DNAAF11: variants seen among roughly 807,000 people sequenced by gnomAD.
DNAAF11 encodes dynein axonemal assembly factor 11.
Under a neutral mutation model 60.8 loss-of-function variants are expected in DNAAF11, and 45 were observed. The ratio of observed to expected loss-of-function variants is 0.74; its 90% CI spans 0.58 to 0.95. The LOEUF is 0.95. Ranked by LOEUF, DNAAF11 falls within the 40% of genes least tolerant of loss-of-function variation. The pLI is 0.00. For missense variants in DNAAF11, 546 were observed against 546.2 expected, an observed-to-expected ratio of 1.00 and a Z score of 0.00; for synonymous variants, 191 against 183.5, an observed-to-expected ratio of 1.04 and a Z score of -0.33.
Position 132,615,114 on chromosome 8 carries a change from T to G in DNAAF11, c.915-17A>C, listed in dbSNP as rs1372341856. The G allele has an allele frequency of 1.3e-6, 2 of 1,564,968 alleles. No individual in the cohort carries two copies. The highest frequency in any genetic ancestry group is 4.5e-5 in the East Asian group (2 of 44,500). ...AAGTCAATTCTAAGAATAACACATT[T>G]GGTGGGAAAAAAGAGATGTCTTTAG... On this transcript the variant is annotated splice_polypyrimidine_tract_variant and intron_variant, in intron 7 of 11. Transcript: ENST00000620350.
intron 5 of DNAAF11, among the ~76,000 whole-genome samples, chr8:132,626,997 T>C (rs1216056771): frequency 1.3e-5 from 2 of 152,180 alleles, no homozygotes; most frequent in African/African-American, 2.4e-5. Context: ...CAATAGAATA[T>C]AGAGTAAAAT....
chr8:132,578,187 C>T (rs1423182591), intron 11 of DNAAF11, among the ~76,000 whole-genome samples: 2 of 151,982 alleles, frequency 1.3e-5, no homozygotes, highest in Non-Finnish European at 2.9e-5. Flanking sequence ...CAGTATATAT[C>T]CTGGGCCATA....
intron 4 of DNAAF11, 141 bp downstream of exon 4, chr8:132,637,794 A>G (rs1821447648): frequency 3.2e-6 from 2 of 619,922 alleles, no homozygotes; most frequent in African/African-American, 1.8e-5. Context: ...AGGTCTAGCC[A>G]TTCAAATAAT....
At chr8:132,639,853 T>C (rs79716480) in intron 3 of DNAAF11, among the ~76,000 whole-genome samples, 2,879 of 150,464 alleles carry the variant, frequency 0.019, 104 homozygotes, top group African/African-American at 0.066. Context: ...TAGGATAAAC[T>C]GATAAAAAAA....
At chr8:132,575,523 C>G (rs905509649) in intron 11 of DNAAF11, among the ~76,000 whole-genome samples, 6 of 152,120 alleles carry the variant, frequency 3.9e-5, no homozygotes, top group Non-Finnish European at 5.9e-5. Flanking sequence ...GAGGAGGACA[C>G]ACGTATACTG....
chr8:132,664,815 G>A (rs546251222), intron 1 of DNAAF11, among the ~76,000 whole-genome samples: 1 of 151,960 alleles, frequency 6.6e-6, no homozygotes, highest in Non-Finnish European at 1.5e-5. Context: ...ATCACTTCAT[G>A]CAACTGTCAA....
At chr8:132,699,215 C>G in the DNAAF11 span, among the ~76,000 whole-genome samples, 1 of 151,676 alleles carries the variant, frequency 6.6e-6, no homozygotes, top group African/African-American at 2.4e-5. Flanking sequence ...GGAGAACATC[C>G]CTAAGATGCT....
At chr8:132,646,954 G>A (rs145489019) in intron 3 of DNAAF11, among the ~76,000 whole-genome samples, 11,365 of 152,092 alleles carry the variant, frequency 0.075, 1,146 homozygotes, top group African/African-American at 0.23. Flanking sequence ...AAGTTAACAA[G>A]GATATCCAGG....
chr8:132,617,836 A>G (rs1200672165), intron 7 of DNAAF11, among the ~76,000 whole-genome samples: 3 of 151,136 alleles, frequency 2.0e-5, no homozygotes, highest in African/African-American at 7.3e-5. Context: ...GCTCATGGGT[A>G]GGAAGAATCA....
intron 3 of DNAAF11, among the ~76,000 whole-genome samples, chr8:132,645,066 A>C (rs1397739329): frequency 6.6e-6 from 1 of 152,136 alleles, no homozygotes. Context: ...GGGGAGCCCA[A>C]CTGGGAGGCA....
intron 8 of DNAAF11, among the ~76,000 whole-genome samples, chr8:132,612,448 A>G (rs1818762730): frequency 6.6e-6 from 1 of 152,158 alleles, no homozygotes; most frequent in African/African-American, 2.4e-5. Flanking sequence ...GGCAGAAATA[A>G]TTGTCTGACA....
chr8:132,627,255 TC>T lies in DNAAF11; in HGVS notation c.654-1802del, dbSNP rs1446980225. Among the ~76,000 whole-genome samples the T allele has an allele frequency of 3.3e-5, 5 of 152,330 alleles. No individual in the cohort carries two copies. The East Asian group carries it at 9.6e-4, about 29-fold the overall frequency. On this transcript the variant is annotated intron_variant, in intron 5 of 11. Transcript: ENST00000620350. ...CCTGGAAAGTGACTAATTGGTTCAATCTGGCCTTTTGCAATCTAAAATAATA... is the reference window on the plus strand; with the variant it reads ...CCTGGAAAGTGACTAATTGGTTCAATTGGCCTTTTGCAATCTAAAATAATA...
chr8:132,638,625 C>G (rs745481248), intron 3 of DNAAF11, among the ~76,000 whole-genome samples: 1 of 151,950 alleles, frequency 6.6e-6, no homozygotes, highest in African/African-American at 2.4e-5. Context: ...GCAAAGTCAC[C>G]TAGCAGAGAG....
At chr8:132,610,329 G>A in intron 9 of DNAAF11, 68 bp from the exon 10 acceptor site, 1 of 977,724 alleles carries the variant, frequency 1.0e-6, no homozygotes. Context: ...ACTAAAAGGG[G>A]CATTTTCATT....
At chr8:132,688,339 A>G in the DNAAF11 span, among the ~76,000 whole-genome samples, 2 of 151,860 alleles carry the variant, frequency 1.3e-5, no homozygotes, top group Non-Finnish European at 2.9e-5. Flanking sequence ...GGCTCTGCCT[A>G]CCTGGCATCC....
chr8:132,658,282 T>C (rs1563698822), intron 2 of DNAAF11, among the ~76,000 whole-genome samples: 1 of 152,180 alleles, frequency 6.6e-6, no homozygotes, highest in Non-Finnish European at 1.5e-5. Flanking sequence ...AAAAGCTCTT[T>C]AGAAACATCT....
At chr8:132,675,568 T>C (rs571193549), upstream of DNAAF11, 49 of 1,425,280 alleles carry the variant, frequency 3.4e-5, no homozygotes, top group African/African-American at 6.4e-4. Flanking sequence ...TCACCCCTGC[T>C]CCTCAGCGCG....
chr8:132,677,270 G>A, upstream of DNAAF11, among the ~76,000 whole-genome samples: 1 of 152,102 alleles, frequency 6.6e-6, no homozygotes, highest in East Asian at 1.9e-4. Context: ...AAAGGATCTA[G>A]CTTCTAGAAG....
intron 11 of DNAAF11, chr8:132,578,486 G>A: frequency 2.0e-6 from 3 of 1,534,824 alleles, no homozygotes; most frequent in Non-Finnish European, 2.6e-6. Flanking sequence ...CTGACTGTCA[G>A]AAACATCACC....
Sources: gnomAD v4.1 joint callset for allele counts (sites outside exome capture counted in the v4.1 genomes callset) on GRCh38, gnomAD v4.1.1 for gene constraint, MANE v1.5 for transcripts, NCBI Gene and HGNC (gene_info 2026-07-23, HGNC 2026-07-21) for gene names.